Variants in CACNA1I observed in about 807,000 individuals in gnomAD.
CACNA1I encodes the protein calcium voltage-gated channel subunit alpha1 I, also known as voltage-dependent T-type calcium channel subunit alpha-1I.
In CACNA1I, 74 loss-of-function variants were observed where a neutral mutation model predicts 201.6. That is an observed-to-expected ratio of 0.37 (90% confidence interval 0.30 to 0.45). The LOEUF (loss-of-function observed/expected upper bound fraction) is 0.45, where lower values mean the gene tolerates loss of function less well. Ranked by LOEUF, CACNA1I falls within the 20% of genes least tolerant of loss-of-function variation. The pLI is 1.00. For synonymous variants in CACNA1I, 1,431 were observed against 1,345.2 expected (o/e 1.06, Z -1.40); for missense variants, 2,346 against 3,138.1 (o/e 0.75, Z 6.03).
At chr22:39,581,933 G>A (rs1393779069) in intron 1 of CACNA1I, among the ~76,000 whole-genome samples, 1 of 152,146 alleles carries the variant, frequency 6.6e-6, no homozygotes. Context: ...TGCTTATCCT[G>A]TGTGATGCTG....
At chr22:39,632,140 G>T (rs1934080762) in intron 4 of CACNA1I, among the ~76,000 whole-genome samples, 1 of 152,172 alleles carries the variant, frequency 6.6e-6, no homozygotes, top group African/African-American at 2.4e-5. Flanking sequence ...ACAAAGGCCG[G>T]CCCGAGGGAG....
Position 39,658,223 on chromosome 22 carries a change from C to T in CACNA1I, c.2064C>T (p.Ile688=). 6.2e-7 allele frequency: 1 copy of T among 1,613,974 alleles called. No homozygotes were observed. Among genetic ancestry groups the T allele is most frequent in the South Asian group, 1.1e-5 (1 of 91,082 alleles). Residue 688 remains isoleucine, a synonymous_variant, in exon 11 of 37, where the codon ATC becomes ATT. Coordinates refer to ENST00000402142, the MANE Select transcript of CACNA1I (RefSeq NM_021096.4). The stretch of plus-strand genomic sequence containing the variant: ...CCAGCATGTTTGCCCTGGAGATGAT[C>T]CTGAAGCTGGCTGCATTTGGGCTCT... ...VFTSMFALEM[I]LKLAAFGLFD... is the part of the protein sequence containing the mutation.
chr22:39,588,777 G>A (rs1932788709), intron 1 of CACNA1I, among the ~76,000 whole-genome samples: 1 of 152,172 alleles, frequency 6.6e-6, no homozygotes, highest in Non-Finnish European at 1.5e-5. Flanking sequence ...TCCCCCACCT[G>A]CCTTGGGTAC....
intron 1 of CACNA1I, among the ~76,000 whole-genome samples, chr22:39,584,399 A>G (rs776351452): frequency 5.9e-5 from 9 of 152,122 alleles, no homozygotes; most frequent in Admixed American, 5.2e-4. Context: ...TCTGGACGTG[A>G]TGAATCTGAG....
At chr22:39,599,618 C>CAA (rs71197187) in intron 2 of CACNA1I, among the ~76,000 whole-genome samples, 18 of 64,338 alleles carry the variant, frequency 2.8e-4, no homozygotes, top group African/African-American at 8.4e-4. Context: ...GACTCCGTCT[C>CAA]AAAAAAAAAA....
intron 1 of CACNA1I, among the ~76,000 whole-genome samples, chr22:39,591,725 A>AT (rs796136802): frequency 8.4e-4 from 127 of 151,160 alleles, no homozygotes; most frequent in African/African-American, 3.0e-3. Context: ...TGCCCAGCTA[A>AT]TTTTTTGTAT....
Position 39,685,865 on chromosome 22 carries a change from T to A in CACNA1I, c.6132T>A (p.Arg2044=). 6.8e-7 allele frequency: 1 copy of A among 1,473,096 alleles called. No homozygotes were observed. 91.3% of individuals were successfully genotyped at this position (1,473,096 alleles called of 1,614,324 possible). The change falls in exon 37 of 37, where the codon CGT becomes CGA. Residue 2044 remains arginine, a synonymous_variant. Coordinates refer to ENST00000402142, the MANE Select transcript of CACNA1I (RefSeq NM_021096.4). The surrounding 1 kb of genome is among the most constrained non-coding windows in gnomAD (Gnocchi z 5.0). The stretch of plus-strand genomic sequence containing the variant: ...TGACCCTGAGCGACAGCCCCCGGCG[T>A]GCCCTGGGGCCGCCCGCGCCTGCTC... The part of the protein sequence containing the change: ...DSLTLSDSPR[R]ALGPPAPAPG...
rs577683060 is a variant in CACNA1I, at chr22:39,575,213, G to A, written c.236+4225G>A. On this transcript the variant is annotated intron_variant, in intron 1 of 36. Coordinates refer to ENST00000402142, the MANE Select transcript of CACNA1I (RefSeq NM_021096.4). ...GGTGGCGTGTGGCACCGTGGAAAGC[G>A]CTGGGCACCTGAATCACACAGACCC... Among the ~76,000 whole-genome samples the A allele has an allele frequency of 1.2e-4, 19 of 152,340 alleles. No individual in the cohort carries two copies. The South Asian group carries it at 1.7e-3, about 13-fold the overall frequency.
At chr22:39,619,031 C>G (rs967277427) in intron 3 of CACNA1I, among the ~76,000 whole-genome samples, 6 of 152,180 alleles carry the variant, frequency 3.9e-5, no homozygotes, top group Non-Finnish European at 7.4e-5. Flanking sequence ...CAGGAGCCAC[C>G]TGGCACAGCG....
At chr22:39,626,038 G>T (rs1457318497) in intron 4 of CACNA1I, among the ~76,000 whole-genome samples, 1 of 152,206 alleles carries the variant, frequency 6.6e-6, no homozygotes, top group African/African-American at 2.4e-5. Flanking sequence ...GGGAGCTCAG[G>T]GGCAGCCCTG....
intron 28 of CACNA1I, among the ~76,000 whole-genome samples, chr22:39,673,715 G>A (rs1856101549): frequency 6.6e-6 from 1 of 152,162 alleles, no homozygotes; most frequent in Non-Finnish European, 1.5e-5. Context: ...CAGTTTCCAT[G>A]AGTATGCCCC....
rs1281883867 is a variant in CACNA1I at position 39,629,213 on chromosome 22, G to C, written c.581-5352G>C. Among the ~76,000 whole-genome samples, 1 of 152,104 alleles carries C rather than the reference G, an allele frequency of 6.6e-6. No individual in the cohort carries two copies. The highest frequency in any genetic ancestry group is 2.4e-5 in the African/African-American group (1 of 41,416). ...CCGTCCTCACCCTGGTGCTCCACAT[G>C]ACGCTCCCGGGCCAGACTGTTCTCC... On this transcript the variant is annotated intron_variant, in intron 4 of 36. Coordinates refer to ENST00000402142, the MANE Select transcript of CACNA1I (RefSeq NM_021096.4). This position sits in a 1 kb window ranked among gnomAD's most constrained non-coding sequence, Gnocchi z 4.8.
intron 7 of CACNA1I, among the ~76,000 whole-genome samples, chr22:39,644,299 A>G (rs1817752518): frequency 6.6e-6 from 1 of 152,144 alleles, no homozygotes; most frequent in Non-Finnish European, 1.5e-5. Context: ...GTTGGGGTAA[A>G]GCACGATGCT....
In CACNA1I at chr22:39,679,784, C is replaced by A; in HGVS notation, c.5457C>A (p.Thr1819=). 1 of 1,613,038 alleles carries A rather than the reference C, an allele frequency of 6.2e-7. No individual in the cohort carries two copies. Among genetic ancestry groups the A allele is most frequent in the Non-Finnish European group, 8.5e-7 (1 of 1,179,582 alleles). The change falls in exon 33 of 37, where the codon ACC becomes ACA. Residue 1819 remains threonine (T), a synonymous_variant. Coordinates refer to ENST00000402142, the MANE Select transcript of CACNA1I (RefSeq NM_021096.4). ...IIKDSLEGEL[T]IIDNLSGSIF... ...AGGACTCCTTGGAGGGGGAGCTGAC[C>A]ATCATCGACAACCTGTCGGGCTCCA...
At chr22:39,623,808 G>C (rs1933821845) in intron 4 of CACNA1I, among the ~76,000 whole-genome samples, 1 of 145,974 alleles carries the variant, frequency 6.9e-6, no homozygotes, top group East Asian at 2.1e-4. Flanking sequence ...GAAAGGGTGT[G>C]TACGTGTCAA....
intron 31 of CACNA1I, 86 bp downstream of exon 31, chr22:39,678,194 C>T: frequency 1.4e-6 from 2 of 1,458,964 alleles, no homozygotes; most frequent in Non-Finnish European, 1.9e-6. Context: ...GCTCTGCCCA[C>T]CCAGGGCCCC....
chr22:39,579,028 G>A (rs539277268), intron 1 of CACNA1I, among the ~76,000 whole-genome samples: 3 of 152,252 alleles, frequency 2.0e-5, no homozygotes, highest in African/African-American at 7.2e-5. Flanking sequence ...TCAGCCCTAC[G>A]TGGGCCCTGC....
chr22:39,664,728 C>G lies in CACNA1I; in HGVS notation c.3667-11C>G, dbSNP rs748153450. On this transcript the variant is annotated splice_polypyrimidine_tract_variant and intron_variant, in intron 20 of 36. Transcript: ENST00000402142. ...CGCGGCAGCCTGACCCCGGCCCCAC[C>G]CCCGCCCCAGGTAGTCTCGCTGGGC... is the stretch of plus-strand genomic sequence containing the variant. 1 of 1,526,192 alleles carries G rather than the reference C, an allele frequency of 6.6e-7. No individual in the cohort carries two copies. The highest frequency in any genetic ancestry group is 8.9e-7 in the Non-Finnish European group (1 of 1,122,288). 94.5% of individuals were successfully genotyped at this position (1,526,192 alleles called of 1,614,324 possible).
chr22:39,668,202 G>C, intron 23 of CACNA1I, 90 bp from the exon 24 acceptor site: 1 of 762,332 alleles, frequency 1.3e-6, no homozygotes, highest in Non-Finnish European at 2.3e-6. Context: ...GCCTCCCAAG[G>C]GCAGAAGAAT....
Sources: allele counts gnomAD v4.1 joint callset (sites outside exome capture counted in the v4.1 genomes callset), GRCh38; gene constraint gnomAD v4.1.1; non-coding constraint Gnocchi (gnomAD v3.1); transcripts MANE v1.5; gene names NCBI Gene and HGNC (gene_info 2026-07-23, HGNC 2026-07-21).